Variants in EYS observed in about 807,000 individuals in gnomAD.
EYS encodes the protein protein eyes shut homolog.
In EYS, 250 loss-of-function variants were observed where a neutral mutation model predicts 282.1. That is an observed-to-expected ratio of 0.89 (90% CI 0.80 to 0.98). The LOEUF is 0.98. Among genes scored for constraint, EYS ranks in the 50% least tolerant of loss-of-function variants. The pLI, the probability that EYS is intolerant of heterozygous loss-of-function variation, is 0.00. For missense variants in EYS, 4,016 were observed against 3,709.0 expected (o/e 1.08, Z -2.15); for synonymous variants, 1,355 against 1,282.9 (o/e 1.06, Z -1.20).
rs2077590851 is a variant in EYS at position 65,495,125 on chromosome 6, G to T, written c.286C>A (p.Leu96Ile). 6.2e-7 allele frequency: 1 copy of T among 1,614,162 alleles called. No homozygotes were observed. The highest frequency in any genetic ancestry group is 8.5e-7 in the Non-Finnish European group (1 of 1,180,004). ...DILVISSEPS[L>I]QFPEINLMNV... ...ATCAAATTTATTTCTGGAAATTGAAGAGATGGTTCAGAAGAAATTACAAGG... is the reference window on the plus strand; with the variant it reads ...ATCAAATTTATTTCTGGAAATTGAATAGATGGTTCAGAAGAAATTACAAGG... Residue 96 changes from leucine (L) to isoleucine (I), a missense_variant, in exon 4 of 43, where the codon CTT (leucine) becomes ATT (isoleucine). Coordinates refer to ENST00000503581, the MANE Select transcript of EYS (RefSeq NM_001142800.2).
At chr6:64,746,996 C>T (rs1398139894) in intron 22 of EYS, among the ~76,000 whole-genome samples, 2 of 152,184 alleles carry the variant, frequency 1.3e-5, no homozygotes, top group Non-Finnish European at 2.9e-5. Context: ...AGCTGTCTTC[C>T]TCAAAGCAAC....
At chr6:64,045,985 T>C (rs910522097) in intron 33 of EYS, among the ~76,000 whole-genome samples, 2 of 147,700 alleles carry the variant, frequency 1.4e-5, no homozygotes, top group Non-Finnish European at 3.0e-5. Flanking sequence ...AATACGTATG[T>C]ATTATATACT....
chr6:65,067,615 GA>G (rs1485186393), intron 12 of EYS, among the ~76,000 whole-genome samples: 3 of 151,964 alleles, frequency 2.0e-5, no homozygotes, highest in African/African-American at 7.2e-5. Context: ...TTATTAACTA[GA>G]AAACATAATT....
chr6:63,838,628 T>C (rs966060431), intron 36 of EYS, among the ~76,000 whole-genome samples: 1 of 152,120 alleles, frequency 6.6e-6, no homozygotes, highest in African/African-American at 2.4e-5. Context: ...TTTCTTAGCA[T>C]TTTTCCCCTG....
Position 63,989,196 on chromosome 6 carries a change from T to C in EYS, c.6835-4593A>G, listed in dbSNP as rs548167566. On this transcript the variant is annotated intron_variant, in intron 34 of 42. Transcript: ENST00000503581. ...CTTTAAGATTATGATGACTTACAATTGAAACAAACTGGCTTTTATTTAAGA... is the reference window on the plus strand; with the variant it reads ...CTTTAAGATTATGATGACTTACAATCGAAACAAACTGGCTTTTATTTAAGA... 2.2e-4 allele frequency among the ~76,000 whole-genome samples: 33 copies of C among 151,826 alleles called. No homozygotes were observed. The South Asian group carries it at 3.7e-3, about 17-fold the overall frequency.
chr6:65,002,846 TCTA>T lies in EYS; in HGVS notation c.2138-5146_2138-5144del, dbSNP rs569787957. Among the ~76,000 whole-genome samples, 37 of 147,582 alleles carry T rather than the reference TCTA, an allele frequency of 2.5e-4. 8 individuals are homozygous for T. The East Asian group carries it at 7.7e-3, about 31-fold the overall frequency. ...TCTTATGCCTGTCTTTACTGCAATC[TCTA>T]AACATAAATTGTAAAGATTTCATGG... is the stretch of plus-strand genomic sequence containing the variant. On this transcript the variant is annotated intron_variant, in intron 13 of 42. Coordinates refer to ENST00000503581, the MANE Select transcript of EYS (RefSeq NM_001142800.2).
intron 12 of EYS, among the ~76,000 whole-genome samples, chr6:65,155,851 A>G (rs1764717307): frequency 6.6e-6 from 1 of 151,530 alleles, no homozygotes; most frequent in Non-Finnish European, 1.5e-5. Flanking sequence ...GAATATGTCC[A>G]AAGGCAGGAA....
chr6:64,514,496 G>T (rs1777502859), intron 26 of EYS, among the ~76,000 whole-genome samples: 1 of 151,802 alleles, frequency 6.6e-6, no homozygotes, highest in African/African-American at 2.4e-5. Flanking sequence ...TAATCCAGCA[G>T]AAGACTTTAT....
intron 11 of EYS, among the ~76,000 whole-genome samples, chr6:65,312,746 A>G (rs1178564673): frequency 6.6e-6 from 1 of 152,216 alleles, no homozygotes; most frequent in African/African-American, 2.4e-5. Flanking sequence ...CAGTTATCAC[A>G]GTATGCTCTC....
chr6:63,878,196 G>A (rs2149716642), intron 35 of EYS, among the ~76,000 whole-genome samples: 1 of 152,342 alleles, frequency 6.6e-6, no homozygotes, highest in Middle Eastern at 3.4e-3. Flanking sequence ...CCTTCTAACA[G>A]TCAGGACCCT....
rs186681171 is a variant in EYS at position 64,387,672 on chromosome 6, C to T, written c.6078+1018G>A. 1.1e-4 allele frequency among the ~76,000 whole-genome samples: 17 copies of T among 152,008 alleles called. No homozygotes were observed. The East Asian group carries it at 1.9e-3, about 17-fold the overall frequency. ...GGAACTTTTAGAATGGTTTCATTTA[C>T]GAAAAAGTCAATGAAGCACATTAAT... On this transcript the variant is annotated intron_variant, in intron 29 of 42. Transcript: ENST00000503581.
chr6:65,070,134 GA>G (rs1483270126), intron 12 of EYS, among the ~76,000 whole-genome samples: 7 of 151,874 alleles, frequency 4.6e-5, no homozygotes, highest in Non-Finnish European at 2.9e-5. Flanking sequence ...ATCTAATCCT[GA>G]TTGTCATTAA....
intron 19 of EYS, among the ~76,000 whole-genome samples, chr6:64,884,087 T>C (rs1330938629): frequency 1.3e-5 from 2 of 151,682 alleles, no homozygotes; most frequent in East Asian, 1.9e-4. Flanking sequence ...TATTATTTAA[T>C]GTGTTCTTCA....
intron 34 of EYS, among the ~76,000 whole-genome samples, chr6:63,990,436 C>T (rs1172900252): frequency 2.6e-5 from 4 of 151,704 alleles, no homozygotes; most frequent in Non-Finnish European, 5.9e-5. Context: ...AGAGAAAACT[C>T]CCAGCTTCCA....
chr6:65,003,649 C>T (rs1395562844), intron 13 of EYS, among the ~76,000 whole-genome samples: 18 of 147,146 alleles, frequency 1.2e-4, no homozygotes, highest in African/African-American at 4.1e-4. Flanking sequence ...GGGATGTCTC[C>T]CCCGGATGCC....
intron 30 of EYS, among the ~76,000 whole-genome samples, chr6:64,292,485 G>A (rs1255351939): frequency 1.3e-5 from 2 of 152,090 alleles, no homozygotes; most frequent in African/African-American, 2.4e-5. Context: ...AATGAGTTGA[G>A]AACAGATTAT....
chr6:65,395,646 G>A (rs993192098), intron 7 of EYS, among the ~76,000 whole-genome samples: 2 of 151,738 alleles, frequency 1.3e-5, no homozygotes, highest in East Asian at 1.9e-4. Context: ...CATCTTTTTC[G>A]TCTTTATTTT....
At chr6:63,786,523 G>A (rs1399904581) in intron 39 of EYS, among the ~76,000 whole-genome samples, 4 of 151,610 alleles carry the variant, frequency 2.6e-5, no homozygotes, top group Non-Finnish European at 5.9e-5. Flanking sequence ...ATCACATACC[G>A]GGGCCTGTCA....
chr6:64,895,954 A>T (rs1368841482), intron 18 of EYS, among the ~76,000 whole-genome samples: 2 of 152,070 alleles, frequency 1.3e-5, no homozygotes, highest in African/African-American at 2.4e-5. Flanking sequence ...CCATATACTA[A>T]ATAATAAATT....
Sources: allele counts gnomAD v4.1 joint callset (sites outside exome capture counted in the v4.1 genomes callset), GRCh38; gene constraint gnomAD v4.1.1; transcripts MANE v1.5; gene names NCBI Gene and HGNC (gene_info 2026-07-23, HGNC 2026-07-21).